The following PCSK5 variants were observed in gnomAD, a reference collection of about 807,000 sequenced individuals.
PCSK5 encodes proprotein convertase subtilisin/kexin type 5.
Under a neutral mutation model 233.2 loss-of-function variants are expected in PCSK5, and 129 were observed. The ratio of observed to expected loss-of-function variants is 0.55; its 90% CI spans 0.48 to 0.64. The LOEUF is 0.64. Ranked by LOEUF, PCSK5 falls within the 30% of genes least tolerant of loss-of-function variation. PCSK5 has a pLI of 0.00. For synonymous variants in PCSK5, 825 were observed against 879.2 expected (o/e 0.94, Z 1.09); for missense variants, 2,076 against 2,430.1 (o/e 0.85, Z 3.06).
intron 7 of PCSK5, among the ~76,000 whole-genome samples, chr9:76,091,870 G>A (rs1188396234): frequency 1.3e-5 from 2 of 152,040 alleles, no homozygotes; most frequent in East Asian, 1.9e-4. Context: ...TACCATGCTC[G>A]GTTATAAAAT....
At chr9:75,927,454 C>CAG (rs1452812959) in intron 1 of PCSK5, among the ~76,000 whole-genome samples, 24 of 152,182 alleles carry the variant, frequency 1.6e-4, no homozygotes, top group Non-Finnish European at 3.4e-4. Context: ...AGGTGACCAA[C>CAG]TGTCCCTATT....
At chr9:76,284,793 A>G (rs1025343921) in intron 24 of PCSK5, among the ~76,000 whole-genome samples, 2 of 151,964 alleles carry the variant, frequency 1.3e-5, no homozygotes, top group African/African-American at 2.4e-5. Context: ...CAGCCTCCCA[A>G]AGTGCTGGGA....
intron 2 of PCSK5, among the ~76,000 whole-genome samples, chr9:75,936,888 A>T (rs571490473): frequency 1.3e-5 from 2 of 152,192 alleles, no homozygotes; most frequent in Non-Finnish European, 2.9e-5. Context: ...TACAAAATCT[A>T]TTTCTTAAAT....
At chr9:76,154,685 G>A (rs956884200) in intron 10 of PCSK5, among the ~76,000 whole-genome samples, 9 of 152,094 alleles carry the variant, frequency 5.9e-5, no homozygotes, top group Non-Finnish European at 5.9e-5. Context: ...AGGACTGATC[G>A]GAGGTAGAGC....
Position 76,175,047 on chromosome 9 carries a change from C to G in PCSK5, c.1818C>G (p.Thr606=). Residue 606 remains threonine (T), a synonymous_variant, in exon 14 of 38, where the codon ACC becomes ACG. Transcript: ENST00000674117. ...YGTSVQPYSP[T]NEFPKVERFR... is the part of the protein sequence containing the mutation. The stretch of plus-strand genomic sequence containing the variant: ...CCTCCGTGCAGCCATATTCACCAAC[C>G]AATGAATTTCCGAAAGTGGAACGGT... The G allele has an allele frequency of 2.5e-6, 4 of 1,613,952 alleles. No homozygotes were observed. The highest frequency in any genetic ancestry group is 1.7e-5 in the Admixed American group (1 of 60,004).
At chr9:75,901,330 A>C (rs1295079679) in intron 1 of PCSK5, among the ~76,000 whole-genome samples, 1 of 152,178 alleles carries the variant, frequency 6.6e-6, no homozygotes, top group African/African-American at 2.4e-5. Context: ...AGGGATATGG[A>C]TGAAGCTGGA....
chr9:76,037,537 A>G (rs1235734336), intron 5 of PCSK5, among the ~76,000 whole-genome samples: 1 of 152,134 alleles, frequency 6.6e-6, no homozygotes. Flanking sequence ...TAGTTTTCAC[A>G]TTTCTCTATT....
At chr9:76,054,225 G>A (rs886522266) in intron 5 of PCSK5, among the ~76,000 whole-genome samples, 3 of 152,214 alleles carry the variant, frequency 2.0e-5, no homozygotes, top group African/African-American at 7.2e-5. Flanking sequence ...TTCAAGATGA[G>A]ATTTGGGTGG....
At position 76,128,626 on chromosome 9, in the gene PCSK5, T is replaced by G. The variant is rs368351351; in HGVS notation, c.1209-5483T>G. Among the ~76,000 whole-genome samples, 15 of 152,352 alleles carry G rather than the reference T, an allele frequency of 9.8e-5. 1 individual carries two copies. In the South Asian group the frequency reaches 3.1e-3, roughly 32 times the overall value. On this transcript the variant is annotated intron_variant, in intron 9 of 37. Transcript: ENST00000674117. ...CTCAGCTTCAATGACAAAATTTTTC[T>G]TTATAAATTAGGGGCTATCTTCTCT...
At chr9:76,150,252 A>C (rs1823614695) in intron 10 of PCSK5, among the ~76,000 whole-genome samples, 1 of 152,200 alleles carries the variant, frequency 6.6e-6, no homozygotes, top group Non-Finnish European at 1.5e-5. Flanking sequence ...GCAAGTTCTC[A>C]GTAGCACTGG....
At chr9:75,980,437 T>TCATG (rs905209469) in intron 2 of PCSK5, among the ~76,000 whole-genome samples, 1 of 152,154 alleles carries the variant, frequency 6.6e-6, no homozygotes, top group Non-Finnish European at 1.5e-5. Flanking sequence ...TTCTTCACAT[T>TCATG]CATGACCAGA....
chr9:75,969,381 G>A (rs946035373), intron 2 of PCSK5, among the ~76,000 whole-genome samples: 2 of 152,040 alleles, frequency 1.3e-5, no homozygotes, highest in African/African-American at 4.8e-5. Context: ...GAGAGGAGGG[G>A]GCCAGAACAT....
chr9:76,077,831 A>G (rs772067744), intron 7 of PCSK5, among the ~76,000 whole-genome samples: 1 of 152,162 alleles, frequency 6.6e-6, no homozygotes, highest in Non-Finnish European at 1.5e-5. Context: ...GGTTGATTCC[A>G]TGTCTTCACT....
At chr9:76,338,750 A>G (rs1267279850) in intron 35 of PCSK5, among the ~76,000 whole-genome samples, 4 of 152,078 alleles carry the variant, frequency 2.6e-5, no homozygotes, top group Middle Eastern at 6.8e-3. Context: ...GTCTGGGGGA[A>G]TTTGTTTATT....
intron 9 of PCSK5, among the ~76,000 whole-genome samples, chr9:76,110,569 TC>T (rs575289071): frequency 6.6e-6 from 1 of 152,052 alleles, no homozygotes; most frequent in South Asian, 2.1e-4. Flanking sequence ...AACAAATACA[TC>T]CGGTAGTCCT....
chr9:76,242,953 G>A (rs1826475725), intron 24 of PCSK5, among the ~76,000 whole-genome samples: 1 of 152,212 alleles, frequency 6.6e-6, no homozygotes, highest in Admixed American at 6.5e-5. Context: ...ATGTATGAAT[G>A]TGTGTGAACT....
intron 5 of PCSK5, among the ~76,000 whole-genome samples, chr9:76,040,377 C>CTCTGTCTG: frequency 1.7e-5 from 1 of 59,852 alleles, no homozygotes; most frequent in South Asian, 7.3e-4. Context: ...CTCTCTCTCT[C>CTCTGTCTG]TCTCTCTGTC....
chr9:76,348,141 G>T (rs1457546504), intron 35 of PCSK5, among the ~76,000 whole-genome samples: 1 of 152,156 alleles, frequency 6.6e-6, no homozygotes, highest in Non-Finnish European at 1.5e-5. Flanking sequence ...GGGTGCAGTG[G>T]CTCATGCCTG....
intron 20 of PCSK5, chr9:76,193,497 G>GT: frequency 1.6e-6 from 1 of 619,934 alleles, no homozygotes; most frequent in Non-Finnish European, 2.6e-6. Context: ...TCTCTCTCAA[G>GT]TTTGTGCAGG....
Sources: gnomAD v4.1 joint callset for allele counts (sites outside exome capture counted in the v4.1 genomes callset) on GRCh38, gnomAD v4.1.1 for gene constraint, MANE v1.5 for transcripts, NCBI Gene and HGNC (gene_info 2026-07-23, HGNC 2026-07-21) for gene names.